The following SPATA9 variants were observed in gnomAD, a reference collection of about 807,000 sequenced individuals.
SPATA9 encodes spermatogenesis-associated protein 9.
Under a neutral mutation model 25.5 loss-of-function variants are expected in SPATA9, and 27 were observed. The observed-to-expected ratio is 1.06, with a 90% CI of 0.78 to 1.46. SPATA9 has a LOEUF of 1.46. SPATA9 is among the 40% of genes most tolerant of loss of function. SPATA9 has a pLI of 0.00. For synonymous variants in SPATA9, 102 were observed against 105.7 expected (o/e 0.97, Z 0.21); for missense variants, 282 against 297.5 (o/e 0.95, Z 0.38).
downstream of SPATA9, chr5:95,657,359 C>T (rs1344897828): frequency 1.3e-5 from 2 of 151,650 alleles, no homozygotes; most frequent in African/African-American, 4.8e-5. Flanking sequence ...CCCCAAGCAC[C>T]CACCATGCAA....
the SPATA9 span, among the ~76,000 whole-genome samples, chr5:95,729,488 T>C: frequency 6.6e-6 from 1 of 152,248 alleles, no homozygotes; most frequent in Non-Finnish European, 1.5e-5. Flanking sequence ...TCATAAAATA[T>C]AACAATAGTT....
At chr5:95,713,559 C>T in the SPATA9 span, 1 of 152,114 alleles carries the variant, frequency 6.6e-6, no homozygotes, top group South Asian at 2.1e-4. Flanking sequence ...GAGGCCTCCC[C>T]AGAAGCAGAA....
chr5:95,657,585 G>A (rs537712685), downstream of SPATA9: 2 of 152,144 alleles, frequency 1.3e-5, no homozygotes, highest in East Asian at 3.9e-4. Flanking sequence ...AGCCGACCTG[G>A]ACTCTTTCTC....
chr5:95,674,151 C>G (rs1178005814), intron 3 of SPATA9, among the ~76,000 whole-genome samples: 1 of 152,128 alleles, frequency 6.6e-6, no homozygotes, highest in Non-Finnish European at 1.5e-5. Flanking sequence ...TATAAAAGAG[C>G]CTTTTATGAA....
At chr5:95,706,211 T>C in the SPATA9 span, among the ~76,000 whole-genome samples, 1 of 151,796 alleles carries the variant, frequency 6.6e-6, no homozygotes, top group Non-Finnish European at 1.5e-5. Context: ...GCCCAGTTCA[T>C]ATGGTTTGGA....
intron 3 of SPATA9, among the ~76,000 whole-genome samples, chr5:95,668,820 C>A (rs1448201151): frequency 6.6e-6 from 1 of 152,060 alleles, no homozygotes; most frequent in Non-Finnish European, 1.5e-5. Flanking sequence ...TGAGATAAAT[C>A]ACACAAAAAA....
At chr5:95,665,587 A>G (rs1386357452) in intron 3 of SPATA9, among the ~76,000 whole-genome samples, 1 of 152,244 alleles carries the variant, frequency 6.6e-6, no homozygotes, top group Non-Finnish European at 1.5e-5. Flanking sequence ...TCAATTGTGT[A>G]TATAAACCAC....
At chr5:95,697,058 C>A (rs1580359413) in intron 1 of SPATA9, among the ~76,000 whole-genome samples, 1 of 152,190 alleles carries the variant, frequency 6.6e-6, no homozygotes, top group Non-Finnish European at 1.5e-5. Context: ...CTTTGCATAG[C>A]AAATTACCCC....
intron 2 of SPATA9, among the ~76,000 whole-genome samples, chr5:95,679,949 G>A (rs903032734): frequency 1.3e-5 from 2 of 152,226 alleles, no homozygotes; most frequent in Admixed American, 6.5e-5. Flanking sequence ...CCAGGCTGGC[G>A]TGCAGTGGCG....
intron 1 of SPATA9, among the ~76,000 whole-genome samples, chr5:95,689,376 A>G (rs997404826): frequency 5.9e-5 from 9 of 152,256 alleles, no homozygotes; most frequent in African/African-American, 2.2e-4. Flanking sequence ...AAATGTAGAT[A>G]TGTAATGCAG....
chr5:95,729,474 ATT>A, the SPATA9 span, among the ~76,000 whole-genome samples: 1 of 152,158 alleles, frequency 6.6e-6, no homozygotes, highest in African/African-American at 2.4e-5. Context: ...ATATTTTTAT[ATT>A]GTCATAAAAT....
At chr5:95,662,753 TTA>T (rs1310507305) in intron 4 of SPATA9, among the ~76,000 whole-genome samples, 1 of 152,144 alleles carries the variant, frequency 6.6e-6, no homozygotes, top group African/African-American at 2.4e-5. Context: ...TTAACAGAAA[TTA>T]ACAAAGAGGA....
chr5:95,703,431 C>T (rs1268056062), upstream of SPATA9, among the ~76,000 whole-genome samples: 2 of 152,066 alleles, frequency 1.3e-5, no homozygotes, highest in East Asian at 1.9e-4. Flanking sequence ...GTCATGAGTT[C>T]GAGACCAGCC....
chr5:95,722,236 A>C, the SPATA9 span, among the ~76,000 whole-genome samples: 2 of 152,218 alleles, frequency 1.3e-5, no homozygotes, highest in Admixed American at 6.5e-5. Context: ...GAAGGCTTTT[A>C]GTACAGTTAA....
At chr5:95,702,180 GC>G (rs1292492910), upstream of SPATA9, among the ~76,000 whole-genome samples, 1 of 150,518 alleles carries the variant, frequency 6.6e-6, no homozygotes, top group Non-Finnish European at 1.5e-5. Flanking sequence ...ACACCATAAA[GC>G]CCAGGTGTTA....
At chr5:95,703,038 T>G (rs935890865), upstream of SPATA9, among the ~76,000 whole-genome samples, 4 of 152,268 alleles carry the variant, frequency 2.6e-5, no homozygotes, top group African/African-American at 9.6e-5. Flanking sequence ...TGACTAAGTC[T>G]AACTATATGT....
the SPATA9 span, among the ~76,000 whole-genome samples, chr5:95,723,703 C>T: frequency 6.6e-6 from 1 of 152,176 alleles, no homozygotes; most frequent in African/African-American, 2.4e-5. Flanking sequence ...ATCTGTGTTG[C>T]TTTTCCCTAT....
At chr5:95,725,371 C>A in the SPATA9 span, among the ~76,000 whole-genome samples, 1 of 152,168 alleles carries the variant, frequency 6.6e-6, no homozygotes, top group African/African-American at 2.4e-5. Context: ...TAGGAATGCA[C>A]ATAGAGGTTG....
intron 3 of SPATA9, chr5:95,670,244 G>C (rs1461973077): frequency 1.3e-5 from 2 of 152,174 alleles, no homozygotes; most frequent in African/African-American, 4.8e-5. Context: ...AACATTAATG[G>C]ATGCTGCATT....
Sources: gnomAD v4.1 joint callset for allele counts (sites outside exome capture counted in the v4.1 genomes callset) on GRCh38, gnomAD v4.1.1 for gene constraint, MANE v1.5 for transcripts, NCBI Gene and HGNC (gene_info 2026-07-23, HGNC 2026-07-21) for gene names.